The following IRAK1BP1 variants were observed in gnomAD, a reference collection of about 807,000 sequenced individuals.
The protein encoded by IRAK1BP1 is interleukin-1 receptor-associated kinase 1-binding protein 1.
Under a neutral mutation model 28.0 loss-of-function variants are expected in IRAK1BP1, and 24 were observed. The ratio of observed to expected loss-of-function variants is 0.86; its 90% CI spans 0.62 to 1.20. The LOEUF is 1.20. Ranked by LOEUF, IRAK1BP1 falls within the 50% of genes most tolerant of loss-of-function variation. The pLI is 0.00. For missense variants in IRAK1BP1, 336 were observed against 316.7 expected, an observed-to-expected ratio of 1.06 and a Z score of -0.46; for synonymous variants, 131 against 116.3, an observed-to-expected ratio of 1.13 and a Z score of -0.81.
chr6:78,869,268 C>T (rs1026127117), intron 1 of IRAK1BP1, among the ~76,000 whole-genome samples: 1 of 152,228 alleles, frequency 6.6e-6, no homozygotes, highest in Non-Finnish European at 1.5e-5. Context: ...GCCTGTAATG[C>T]CAACACTTTG....
chr6:78,953,650 G>A, the IRAK1BP1 span, among the ~76,000 whole-genome samples: 1 of 152,044 alleles, frequency 6.6e-6, no homozygotes, highest in African/African-American at 2.4e-5. Flanking sequence ...TATGTTTCTG[G>A]CATTTTAAAT....
At chr6:78,909,056 A>T (rs1368910416) in intron 4 of IRAK1BP1, among the ~76,000 whole-genome samples, 1 of 152,232 alleles carries the variant, frequency 6.6e-6, no homozygotes, top group Non-Finnish European at 1.5e-5. Context: ...TACAGAGAAA[A>T]TATGAAGTGA....
intron 4 of IRAK1BP1, among the ~76,000 whole-genome samples, chr6:78,941,829 C>T (rs962202888): frequency 6.6e-6 from 1 of 152,080 alleles, no homozygotes; most frequent in Admixed American, 6.5e-5. Flanking sequence ...TGTGTGCCAC[C>T]ATTATCATGA....
At chr6:78,885,348 A>G (rs1771379266) in intron 1 of IRAK1BP1, 30 bp from the exon 2 acceptor site, 1 of 1,257,406 alleles carries the variant, frequency 8.0e-7, no homozygotes. Context: ...AATATTTAGT[A>G]ATCATACTCT....
chr6:78,879,334 G>A (rs1771134799), intron 1 of IRAK1BP1, among the ~76,000 whole-genome samples: 3 of 152,000 alleles, frequency 2.0e-5, no homozygotes, highest in Non-Finnish European at 4.4e-5. Context: ...ATGTACTGTA[G>A]AACTTAAAGT....
At chr6:78,879,366 AAAT>A (rs1211505926) in intron 1 of IRAK1BP1, among the ~76,000 whole-genome samples, 8 of 150,742 alleles carry the variant, frequency 5.3e-5, no homozygotes, top group Non-Finnish European at 1.5e-5. Context: ...AATTTTAAAA[AAAT>A]AAAAAAATCA....
the IRAK1BP1 span, chr6:78,957,560 A>C: frequency 1.3e-5 from 2 of 151,560 alleles, no homozygotes; most frequent in African/African-American, 4.8e-5. Flanking sequence ...ATTAATGAGA[A>C]TGAAGCAGGG....
At chr6:78,889,821 G>T (rs976538757) in intron 2 of IRAK1BP1, among the ~76,000 whole-genome samples, 2 of 152,092 alleles carry the variant, frequency 1.3e-5, no homozygotes, top group Non-Finnish European at 2.9e-5. Context: ...CACTGTTGGT[G>T]GGAGGGTAAA....
the IRAK1BP1 span, chr6:78,970,703 T>C: frequency 2.5e-3 from 2,186 of 889,990 alleles, 29 homozygotes; most frequent in African/African-American, 0.029. Flanking sequence ...ATTGTGTTAA[T>C]AGTAACCTTT....
At chr6:78,925,015 G>T (rs955887718) in intron 4 of IRAK1BP1, among the ~76,000 whole-genome samples, 4 of 152,172 alleles carry the variant, frequency 2.6e-5, no homozygotes, top group African/African-American at 9.7e-5. Context: ...CATGTCCTTT[G>T]TAGGGACATG....
the IRAK1BP1 span, chr6:78,970,649 G>T: frequency 1.6e-6 from 1 of 629,266 alleles, no homozygotes; most frequent in Non-Finnish European, 2.7e-6. Flanking sequence ...CTACTCTCTA[G>T]GACTGCTTCA....
the IRAK1BP1 span, chr6:78,965,649 T>G: frequency 3.0e-6 from 3 of 985,330 alleles, no homozygotes; most frequent in Non-Finnish European, 4.7e-6. Context: ...CTTAAATAAT[T>G]TCTTAAGAAA....
chr6:78,950,200 T>C (rs1428938106), downstream of IRAK1BP1, among the ~76,000 whole-genome samples: 1 of 152,254 alleles, frequency 6.6e-6, no homozygotes, highest in African/African-American at 2.4e-5. Context: ...GGTTTTTGAA[T>C]ACTGAACCAT....
At chr6:78,948,822 C>T (rs573413381), downstream of IRAK1BP1, among the ~76,000 whole-genome samples, 5 of 152,180 alleles carry the variant, frequency 3.3e-5, no homozygotes, top group East Asian at 3.9e-4. Context: ...CCTCAGTATG[C>T]GACTATATTT....
the IRAK1BP1 span, chr6:78,970,243 T>C: frequency 6.5e-6 from 9 of 1,379,212 alleles, no homozygotes; most frequent in African/African-American, 2.9e-5. Flanking sequence ...CTAAACATTG[T>C]TGAGAAAAAA....
chr6:78,957,764 T>C, the IRAK1BP1 span: 1 of 151,944 alleles, frequency 6.6e-6, no homozygotes, highest in Non-Finnish European at 1.5e-5. Context: ...TTCTCTGCCT[T>C]CAACTTAGGA....
At chr6:78,872,257 C>T (rs1581987824) in intron 1 of IRAK1BP1, 1 of 551,370 alleles carries the variant, frequency 1.8e-6, no homozygotes, top group Non-Finnish European at 3.2e-6. Context: ...TCTTGCATCC[C>T]ACTCTGTTAA....
intron 4 of IRAK1BP1, among the ~76,000 whole-genome samples, chr6:78,923,497 T>A (rs1320574860): frequency 1.3e-5 from 2 of 152,074 alleles, no homozygotes; most frequent in Admixed American, 6.6e-5. Flanking sequence ...ACTGTCAACA[T>A]TAGACAGATC....
the IRAK1BP1 span, chr6:78,955,933 G>T: frequency 4.0e-6 from 1 of 250,460 alleles, no homozygotes; most frequent in Non-Finnish European, 7.5e-6. Flanking sequence ...CTTTGCTTAG[G>T]TATCTGCTGT....
Sources: allele counts gnomAD v4.1 joint callset (sites outside exome capture counted in the v4.1 genomes callset), GRCh38; gene constraint gnomAD v4.1.1; transcripts MANE v1.5; gene names NCBI Gene and HGNC (gene_info 2026-07-23, HGNC 2026-07-21).